Variants in PIEZO2 observed in about 807,000 individuals in gnomAD.
PIEZO2 encodes piezo type mechanosensitive ion channel component 2, also known as piezo-type mechanosensitive ion channel component 2.
A neutral mutation model predicts 337.3 loss-of-function variants in PIEZO2; 172 were observed. That is an observed-to-expected ratio of 0.51 (90% confidence interval 0.45 to 0.58). The LOEUF is 0.58. Among genes scored for constraint, PIEZO2 ranks in the 20% least tolerant of loss-of-function variants. The pLI is 0.00. For missense variants in PIEZO2, 3,028 were observed against 3,391.3 expected (o/e 0.89, Z 2.66); for synonymous variants, 1,251 against 1,228.5 (o/e 1.02, Z -0.38).
intron 1 of PIEZO2, among the ~76,000 whole-genome samples, chr18:11,147,355 T>C (rs1416556922): frequency 2.0e-5 from 3 of 152,190 alleles, no homozygotes; most frequent in East Asian, 1.9e-4. Flanking sequence ...CTGAGGTTTG[T>C]TGAAAAGACG....
intron 5 of PIEZO2, among the ~76,000 whole-genome samples, chr18:10,858,338 A>G (rs2041780577): frequency 6.7e-6 from 1 of 148,416 alleles, no homozygotes; most frequent in Non-Finnish European, 1.5e-5. Flanking sequence ...AAAAAAAAAA[A>G]AAAAAAAAAG....
At chr18:11,119,523 C>T (rs748536346) in intron 1 of PIEZO2, among the ~76,000 whole-genome samples, 1 of 152,172 alleles carries the variant, frequency 6.6e-6, no homozygotes, top group Non-Finnish European at 1.5e-5. Flanking sequence ...CCTAATTATA[C>T]TTTAAAAGAA....
Position 10,834,494 on chromosome 18 carries a change from C to A in PIEZO2, c.917+20859G>T, listed in dbSNP as rs552592270. 2.6e-5 allele frequency among the ~76,000 whole-genome samples: 4 copies of A among 152,308 alleles called. No individual in the cohort carries two copies. In the South Asian group the frequency reaches 6.2e-4, roughly 24 times the overall value. On this transcript the variant is annotated intron_variant, in intron 7 of 55. Transcript: ENST00000674853. The surrounding 1 kb of genome is among the most constrained non-coding windows in gnomAD (Gnocchi z 4.5). ...CACTCTGTGATGCAGGTGCCGGCTT[C>A]CCCTTTAATCCCTCATGATGGAGTC...
chr18:10,678,880 C>T (rs931721025), intron 52 of PIEZO2, among the ~76,000 whole-genome samples: 6 of 152,042 alleles, frequency 3.9e-5, no homozygotes, highest in African/African-American at 9.7e-5. Context: ...GTAGGGCTTC[C>T]CCAGTATTGG....
chr18:11,133,128 T>C (rs569196193), intron 1 of PIEZO2, among the ~76,000 whole-genome samples: 9 of 152,360 alleles, frequency 5.9e-5, no homozygotes, highest in South Asian at 2.1e-4. Context: ...TCCTCCTTTT[T>C]TTGCTAAAAA....
chr18:10,799,180 C>T (rs2039715937), intron 11 of PIEZO2, among the ~76,000 whole-genome samples: 1 of 152,100 alleles, frequency 6.6e-6, no homozygotes, highest in Admixed American at 6.6e-5. Flanking sequence ...GTGTGATGTA[C>T]CACAGATGCA....
rs1853861091 is a variant in PIEZO2 at position 10,872,105 on chromosome 18, C to T, written c.330-690G>A. On this transcript the variant is annotated intron_variant, in intron 4 of 55. Transcript: ENST00000674853. The surrounding 1 kb of genome is among the most constrained non-coding windows in gnomAD (Gnocchi z 4.3). The stretch of plus-strand genomic sequence containing the variant: ...TCAAGTGACATGAGATACTAGGTCA[C>T]GGTTTTAGAAGAAAATATAAATACA... Among the ~76,000 whole-genome samples, 1 of 152,118 alleles carries T rather than the reference C, an allele frequency of 6.6e-6. No individual in the cohort carries two copies. Among genetic ancestry groups the T allele is most frequent in the Non-Finnish European group, 1.5e-5 (1 of 68,032 alleles).
At position 11,104,058 on chromosome 18, in the gene PIEZO2, T is replaced by C. The variant is rs577297425; in HGVS notation, c.65-37836A>G. Among the ~76,000 whole-genome samples, 60 of 152,302 alleles carry C rather than the reference T, an allele frequency of 3.9e-4. 1 individual carries two copies. The South Asian group carries it at 0.012, about 31-fold the overall frequency. The stretch of plus-strand genomic sequence containing the variant: ...CTGAAAGTTACTGGTTTTCATGTCT[T>C]CATTTCCAGTTGAAGACAATAGTGT... On this transcript the variant is annotated intron_variant, in intron 1 of 55. Coordinates refer to ENST00000674853, the MANE Select transcript of PIEZO2 (RefSeq NM_001378183.1). The surrounding 1 kb of genome is among the most constrained non-coding windows in gnomAD (Gnocchi z 4.6).
At chr18:10,740,309 A>G (rs1281476465) in intron 33 of PIEZO2, 2 of 152,386 alleles carry the variant, frequency 1.3e-5, no homozygotes, top group East Asian at 3.8e-4. Context: ...CTATGTGGCT[A>G]TCAGGATCTG....
chr18:10,702,249 T>A (rs889137903), intron 42 of PIEZO2, 78 bp from the exon 43 acceptor site: 14 of 1,365,416 alleles, frequency 1.0e-5, no homozygotes, highest in African/African-American at 6.0e-5. Context: ...AAGAGCAATA[T>A]AACAATTAAG....
At chr18:10,675,169 G>T in intron 54 of PIEZO2, 40 bp downstream of exon 54, 1 of 1,357,292 alleles carries the variant, frequency 7.4e-7, no homozygotes, top group South Asian at 1.3e-5. Context: ...ATAAAACTAG[G>T]ATTGAAAACA....
chr18:10,996,142 A>G (rs894354546), intron 2 of PIEZO2, among the ~76,000 whole-genome samples: 1 of 152,238 alleles, frequency 6.6e-6, no homozygotes, highest in South Asian at 2.1e-4. Flanking sequence ...TTTAAAATAA[A>G]TGGAAGCATA....
chr18:11,046,432 G>A (rs931127747), intron 2 of PIEZO2, among the ~76,000 whole-genome samples: 3 of 152,158 alleles, frequency 2.0e-5, no homozygotes, highest in Admixed American at 6.5e-5. Context: ...TGAATGAGCC[G>A]GGGGATAAAT....
Position 10,866,584 on chromosome 18 carries a change from C to T in PIEZO2, c.492+4669G>A, listed in dbSNP as rs187422802. 1.6e-3 allele frequency among the ~76,000 whole-genome samples: 242 copies of T among 152,270 alleles called. 2 individuals are homozygous for T. The highest frequency in any genetic ancestry group is 4.6e-3 in the African/African-American group (193 of 41,552). ...TTAGGTGTGGGCCACCACACTTGGCCGCCTTTGTATGCAATGAAGGTGGCT... is the reference window on the plus strand; with the variant it reads ...TTAGGTGTGGGCCACCACACTTGGCTGCCTTTGTATGCAATGAAGGTGGCT... On this transcript the variant is annotated intron_variant, in intron 5 of 55. Coordinates refer to ENST00000674853, the MANE Select transcript of PIEZO2 (RefSeq NM_001378183.1).
chr18:10,996,582 G>A (rs1383645260), intron 2 of PIEZO2, among the ~76,000 whole-genome samples: 1 of 152,188 alleles, frequency 6.6e-6, no homozygotes, highest in Non-Finnish European at 1.5e-5. Context: ...TAATCATACA[G>A]TATGTGGCCT....
intron 7 of PIEZO2, among the ~76,000 whole-genome samples, chr18:10,843,574 A>G (rs1414864103): frequency 2.6e-5 from 4 of 152,218 alleles, no homozygotes; most frequent in African/African-American, 9.6e-5. Flanking sequence ...TTAGAAAAAA[A>G]TTTAACTGTG....
chr18:10,681,582 G>A, intron 51 of PIEZO2, 79 bp downstream of exon 51: 2 of 1,225,808 alleles, frequency 1.6e-6, no homozygotes, highest in Admixed American at 3.6e-5. Context: ...CTCAGGCCAT[G>A]GCAAAGCATT....
At chr18:10,801,532 C>T in intron 9 of PIEZO2, 104 bp from the exon 10 acceptor site, 1 of 1,003,788 alleles carries the variant, frequency 1.0e-6, no homozygotes, top group South Asian at 1.5e-5. Context: ...TTCTCTTTAA[C>T]TTGCTGATTG....
intron 21 of PIEZO2, among the ~76,000 whole-genome samples, chr18:10,765,120 C>G (rs1245015965): frequency 6.6e-6 from 1 of 152,180 alleles, no homozygotes; most frequent in Non-Finnish European, 1.5e-5. Context: ...CCTGAGGATT[C>G]CCTGCCCGCA....
Sources: gnomAD v4.1 joint callset for allele counts (sites outside exome capture counted in the v4.1 genomes callset) on GRCh38, gnomAD v4.1.1 for gene constraint, Gnocchi (gnomAD v3.1) non-coding constraint, MANE v1.5 for transcripts, NCBI Gene and HGNC (gene_info 2026-07-23, HGNC 2026-07-21) for gene names.